IHO1: variants seen among roughly 807,000 people sequenced by gnomAD.
IHO1 encodes the protein interactor of HORMAD1 1.
IHO1 carries 13 observed loss-of-function variants against 31.0 expected under a neutral mutation model. The ratio of observed to expected loss-of-function variants is 0.42; its 90% confidence interval spans 0.27 to 0.67. The LOEUF is 0.67. Among genes scored for constraint, IHO1 ranks in the 30% least tolerant of loss-of-function variants. IHO1 has a pLI of 0.24. For missense variants in IHO1, 599 were observed against 687.5 expected (o/e 0.87, Z 1.44); for synonymous variants, 221 against 248.4 (o/e 0.89, Z 1.04).
At chr3:49,192,115 A>G in the IHO1 span, among the ~76,000 whole-genome samples, 1 of 152,224 alleles carries the variant, frequency 6.6e-6, no homozygotes. Context: ...GCATTTAAAA[A>G]CCTATGCATC....
Position 49,244,674 on chromosome 3 carries a change from A to G in IHO1, c.473A>G (p.Asp158Gly), listed in dbSNP as rs770733150. ...CAGACGTCTGTGGAAAAGTCTGAGG[A>G]CCATCTCAGTTCAAGAAGCCAATCT... ...RLQTSVEKSE[D>G]HLSSRSQSIL... The change falls in exon 6 of 8, where the codon GAC becomes GGC. Residue 158 changes from aspartate (D) to glycine (G), a missense_variant. By Grantham distance (94) the Asp-to-Gly change is moderately conservative (BLOSUM62 -1). Transcript: ENST00000452691. The G allele has an allele frequency of 5.5e-5, 88 of 1,614,014 alleles. No individual in the cohort carries two copies. The highest frequency in any genetic ancestry group is 1.0e-4 in the Admixed American group (6 of 59,992).
chr3:49,241,477 T>C, intron 4 of IHO1, 88 bp downstream of exon 4: 1 of 1,262,356 alleles, frequency 7.9e-7, no homozygotes, highest in Non-Finnish European at 1.1e-6. Context: ...AATTCAATTT[T>C]AGCATAATAG....
intron 1 of IHO1, among the ~76,000 whole-genome samples, chr3:49,202,273 A>G (rs1304107011): frequency 1.3e-5 from 2 of 151,970 alleles, no homozygotes; most frequent in African/African-American, 2.4e-5. Context: ...TGTTGCAGAG[A>G]AAAAAGCAGG....
intron 4 of IHO1, among the ~76,000 whole-genome samples, chr3:49,244,093 T>C (rs1395193727): frequency 1.3e-5 from 2 of 151,988 alleles, no homozygotes; most frequent in East Asian, 3.9e-4. Context: ...TAGCTGGAAT[T>C]ACAGGTGCCC....
intron 7 of IHO1, among the ~76,000 whole-genome samples, chr3:49,255,844 G>A (rs759655711): frequency 6.6e-6 from 1 of 151,874 alleles, no homozygotes; most frequent in Non-Finnish European, 1.5e-5. Flanking sequence ...GAGTCACTGC[G>A]CCCGGCCGAG....
chr3:49,230,129 T>G (rs562131460), intron 2 of IHO1, among the ~76,000 whole-genome samples: 1 of 152,306 alleles, frequency 6.6e-6, no homozygotes, highest in South Asian at 2.1e-4. Context: ...GATAGAACAA[T>G]GGCTGCTAAG....
chr3:49,224,781 A>G (rs986197814), intron 2 of IHO1, among the ~76,000 whole-genome samples: 1 of 152,256 alleles, frequency 6.6e-6, no homozygotes, highest in Admixed American at 6.5e-5. Flanking sequence ...AGTCTGGACT[A>G]TAATTTGTTG....
chr3:49,197,960 T>G (rs896308885), upstream of IHO1, among the ~76,000 whole-genome samples: 2 of 152,218 alleles, frequency 1.3e-5, no homozygotes, highest in African/African-American at 4.8e-5. Context: ...TAATCTTTCC[T>G]TATGGCACTC....
At chr3:49,243,541 G>A (rs1246556489) in intron 4 of IHO1, among the ~76,000 whole-genome samples, 2 of 151,650 alleles carry the variant, frequency 1.3e-5, no homozygotes, top group Non-Finnish European at 2.9e-5. Context: ...GGCGGATCAC[G>A]AGGTCAGGAG....
At position 49,223,293 on chromosome 3, in the gene IHO1, C is replaced by T. The variant is rs184136049; in HGVS notation, c.56+11457C>T. Among the ~76,000 whole-genome samples the T allele has an allele frequency of 1.3e-3, 191 of 152,204 alleles. 1 individual carries two copies. Among genetic ancestry groups the T allele is most frequent in the African/African-American group, 4.2e-3 (174 of 41,520 alleles). ...TTCCTTAAGTGCTTTTTGAGTGTTT[C>T]ATTTGCTTTCTCGACCTTCCCTGAG... On this transcript the variant is annotated intron_variant, in intron 2 of 7. Coordinates refer to ENST00000452691, the MANE Select transcript of IHO1 (RefSeq NM_001135197.2).
rs149565687 is a variant in IHO1 at position 49,246,915 on chromosome 3, C to T, written c.532+2182C>T. Among the ~76,000 whole-genome samples, 424 of 150,758 alleles carry T rather than the reference C, an allele frequency of 2.8e-3. 3 individuals carry two copies. Among genetic ancestry groups the T allele is most frequent in the African/African-American group, 9.3e-3 (381 of 40,954 alleles). ...TGTCCCCCAGGCTGGAGTGCGATGGCGCGAACTTGTGCAACCTCTGCCTCC... is the reference window on the plus strand; with the variant it reads ...TGTCCCCCAGGCTGGAGTGCGATGGTGCGAACTTGTGCAACCTCTGCCTCC... On this transcript the variant is annotated intron_variant, in intron 6 of 7. Transcript: ENST00000452691.
At chr3:49,228,316 C>G in intron 2 of IHO1, 1 of 449,066 alleles carries the variant, frequency 2.2e-6, no homozygotes, top group East Asian at 7.1e-5. Flanking sequence ...CCAGGCAAAC[C>G]AATGCTCTCC....
chr3:49,202,323 ATT>A (rs66767086), intron 1 of IHO1, among the ~76,000 whole-genome samples: 12,098 of 132,222 alleles, frequency 0.091, 490 homozygotes, highest in Non-Finnish European at 0.11. Context: ...CTTCTTTTTA[ATT>A]TTTTTTTTTT....
chr3:49,194,373 G>A (rs1468938588), upstream of IHO1, among the ~76,000 whole-genome samples: 2 of 140,702 alleles, frequency 1.4e-5, no homozygotes, highest in African/African-American at 2.6e-5. Context: ...GTGTGATCTC[G>A]GCTCACTGCA....
chr3:49,240,717 T>C (rs984484499), intron 3 of IHO1, among the ~76,000 whole-genome samples: 30 of 152,084 alleles, frequency 2.0e-4, no homozygotes, highest in African/African-American at 6.8e-4. Context: ...AGTACAAAAA[T>C]TGGTATCTAG....
chr3:49,214,607 C>CATATATATAT lies in IHO1; in HGVS notation c.56+2788_56+2797dup, dbSNP rs1311032715. On this transcript the variant is annotated intron_variant, in intron 2 of 7. Transcript: ENST00000452691. ...TGAAAAACTATCTTTATTTCTAGAT[C>CATATATATAT]ATATATATATATATATATATATATA... Among the ~76,000 whole-genome samples the CATATATATAT allele has an allele frequency of 1.0e-3, 25 of 24,766 alleles. 1 individual carries two copies. Among genetic ancestry groups the CATATATATAT allele is most frequent in the African/African-American group, 1.5e-3 (10 of 6,640 alleles). The allele number at this position is 24,766 out of a possible 152,430, so 16.2% of individuals were successfully genotyped here.
At chr3:49,214,624 A>ATGT (rs2046264389) in intron 2 of IHO1, among the ~76,000 whole-genome samples, 1 of 22,906 alleles carries the variant, frequency 4.4e-5, no homozygotes. Flanking sequence ...ATATATATAT[A>ATGT]TATATATATT....
intron 3 of IHO1, among the ~76,000 whole-genome samples, chr3:49,240,565 G>A (rs4273407): frequency 0.049 from 7,498 of 152,068 alleles, 268 homozygotes; most frequent in Non-Finnish European, 0.069. Flanking sequence ...CATCACATTG[G>A]TCAGGTTGGT....
At chr3:49,228,085 G>A (rs935081773) in intron 2 of IHO1, among the ~76,000 whole-genome samples, 3 of 152,178 alleles carry the variant, frequency 2.0e-5, no homozygotes, top group Non-Finnish European at 4.4e-5. Flanking sequence ...TCGGAGAAGA[G>A]AGGTGAGAGA....
Sources: allele counts gnomAD v4.1 joint callset (sites outside exome capture counted in the v4.1 genomes callset), GRCh38; gene constraint gnomAD v4.1.1; transcripts MANE v1.5; gene names NCBI Gene and HGNC (gene_info 2026-07-23, HGNC 2026-07-21).